The following STAT2 variants were observed in gnomAD, a reference collection of about 807,000 sequenced individuals.
STAT2 encodes the protein signal transducer and activator of transcription 2, also known as interferon alpha induced transcriptional activator.
In STAT2, 51 loss-of-function variants were observed where a neutral mutation model predicts 122.3. The ratio of observed to expected loss-of-function variants is 0.42; its 90% confidence interval spans 0.33 to 0.53. The LOEUF (loss-of-function observed/expected upper bound fraction) is 0.53, where lower values mean the gene tolerates loss of function less well. STAT2 is among the 20% of genes least tolerant of loss of function. The pLI, the probability that STAT2 is intolerant of heterozygous loss-of-function variation, is 0.10. For missense variants in STAT2, 736 were observed against 1,010.3 expected (o/e 0.73, Z 3.68); for synonymous variants, 351 against 394.9 (o/e 0.89, Z 1.32).
intron 19 of STAT2, 109 bp from the exon 20 acceptor site, chr12:56,347,064 C>A: frequency 1.3e-6 from 2 of 1,501,980 alleles, no homozygotes; most frequent in South Asian, 1.3e-5. Flanking sequence ...GGAATCCAGG[C>A]TTTGGACCAA....
chr12:56,358,460 G>A (rs1282978761), intron 1 of STAT2, among the ~76,000 whole-genome samples: 1 of 151,972 alleles, frequency 6.6e-6, no homozygotes, highest in Non-Finnish European at 1.5e-5. Flanking sequence ...TGTCCAGGCT[G>A]GTCTGGAACT....
intron 12 of STAT2, 106 bp from the exon 13 acceptor site, chr12:56,350,296 C>T: frequency 6.9e-7 from 1 of 1,446,344 alleles, no homozygotes; most frequent in Non-Finnish European, 9.5e-7. Flanking sequence ...TCGCCATCTC[C>T]CTTTGTCCAT....
At chr12:56,355,379 G>A (rs369815476) in intron 5 of STAT2, 28 bp from the exon 6 acceptor site, 196 of 1,614,072 alleles carry the variant, frequency 1.2e-4, no homozygotes, top group Middle Eastern at 6.6e-4. Flanking sequence ...CCCCGATGAG[G>A]CTGCTTCTCA....
At chr12:56,358,927 C>T (rs936866441) in intron 1 of STAT2, among the ~76,000 whole-genome samples, 1 of 152,138 alleles carries the variant, frequency 6.6e-6, no homozygotes, top group Non-Finnish European at 1.5e-5. Context: ...TTGCCTGTCA[C>T]CAAGCAGGCT....
At chr12:56,353,870 C>A (rs1239713414) in intron 8 of STAT2, among the ~76,000 whole-genome samples, 1 of 149,626 alleles carries the variant, frequency 6.7e-6, no homozygotes, top group Non-Finnish European at 1.5e-5. Flanking sequence ...GTGGTGTGTG[C>A]CTGTAATCCC....
chr12:56,342,478 T>C lies in STAT2; in HGVS notation c.*911A>G, dbSNP rs1876729219. The C allele has an allele frequency of 6.6e-6, 1 of 151,836 alleles. No homozygotes were observed. Among genetic ancestry groups the C allele is most frequent in the South Asian group, 2.1e-4 (1 of 4,818 alleles). The allele number at this position is 151,836 out of a possible 1,614,324, so 9.4% of individuals were successfully genotyped here. A position where few individuals can be genotyped will look rare whatever the true frequency, so the allele number is the denominator to read the frequency against. ...TGGTGGCGCATGCCATGGTGCTAGC[T>C]ACCCAGGAGGCTGAGGTAGGAGGAT... On this transcript the variant is annotated 3_prime_UTR_variant, in exon 24 of 24. Coordinates refer to ENST00000314128, the MANE Select transcript of STAT2 (RefSeq NM_005419.4).
chr12:56,356,212 A>G lies in STAT2; in HGVS notation c.205T>C (p.Tyr69His). 6.2e-7 allele frequency: 1 copy of G among 1,613,980 alleles called. No individual in the cohort carries two copies. The highest frequency in any genetic ancestry group is 1.3e-5 in the African/African-American group (1 of 75,060). The change falls in exon 3 of 24, where the codon TAT becomes CAT. Residue 69 changes from tyrosine (Y) to histidine (H), a missense_variant. Transcript: ENST00000314128. Reference protein sequence around the residue: ...LFFHFLDQLNYECGRCSQDPE... With the variant: ...LFFHFLDQLNHECGRCSQDPE... ...TCCTGGCTGCAACGGCCACACTCAT[A>G]GTTCAGCTGATCCAAGAAGTGGAAG...
At position 56,351,553 on chromosome 12, in the gene STAT2, T is replaced by A; in HGVS notation, c.783-103A>T. On this transcript the variant is annotated intron_variant, in intron 8 of 23. Coordinates refer to ENST00000314128, the MANE Select transcript of STAT2 (RefSeq NM_005419.4). ...AATATGTGAAGAGTCAGAAACTGAC[T>A]GGGGGGAAGAAAAAAAAAGAATCCA... 5 of 1,240,456 alleles carry A rather than the reference T, an allele frequency of 4.0e-6. No homozygotes were observed. The South Asian group carries it at 7.7e-5, about 19-fold the overall frequency. The allele number at this position is 1,240,456 out of a possible 1,614,324, so 76.8% of individuals were successfully genotyped here.
chr12:56,351,438 T>C lies in STAT2; in HGVS notation c.795A>G (p.Gly265=). 6.2e-7 allele frequency: 1 copy of C among 1,613,640 alleles called. No homozygotes were observed. Among genetic ancestry groups the C allele is most frequent in the Non-Finnish European group, 8.5e-7 (1 of 1,179,892 alleles). ...GCCTCAGGTGAAACAACAGCTTTGC[T>C]CCAGCTGTGAACCTGGGTGATAAAA... ...LEQLETWFTA[G]AKLLFHLRQL... is the part of the protein sequence containing the mutation. The change falls in exon 9 of 24, where the codon GGA becomes GGG. Residue 265 remains glycine (G), a synonymous_variant. Coordinates refer to ENST00000314128, the MANE Select transcript of STAT2 (RefSeq NM_005419.4).
Position 56,355,710 on chromosome 12 carries a change from A to G in STAT2, c.379T>C (p.Leu127=), listed in dbSNP as rs2066812. Residue 127 remains leucine, a splice_region_variant and synonymous_variant, in exon 4 of 24, where the codon TTG becomes CTG. Transcript: ENST00000314128. ...RILIQAQRAQ[L]EQGEPVLETP... ...CATTACCACTGAATTGTCCTCACCA[A>G]TTGGGCCCTCTGAGCCTGGATCAAA... is the stretch of plus-strand genomic sequence containing the variant. 4,318 of 1,613,946 alleles carry G rather than the reference A, an allele frequency of 2.7e-3. 82 individuals carry two copies. In the African/African-American group the frequency reaches 0.051, roughly 19 times the overall value.
chr12:56,344,991 G>A (rs1877138979), intron 22 of STAT2, among the ~76,000 whole-genome samples: 1 of 136,462 alleles, frequency 7.3e-6, no homozygotes, highest in South Asian at 2.3e-4. Context: ...CTGGGCAACA[G>A]GGCGAGACTC....
intron 8 of STAT2, 123 bp downstream of exon 8, chr12:56,354,343 G>C (rs1879179638): frequency 1.4e-6 from 2 of 1,472,408 alleles, no homozygotes; most frequent in African/African-American, 1.4e-5. Context: ...AGTCAGCAGG[G>C]AGCAGGGCTC....
In STAT2 at chr12:56,360,020, C is replaced by A. The variant is rs555572234; in HGVS notation, c.-8+38G>T. On this transcript the variant is annotated intron_variant, in intron 1 of 23. Transcript: ENST00000314128. ...CCTCGGAGGAACTCTCACTCTCACC[C>A]CCACCCCTACCCCAGCACACCCTCT... is the stretch of plus-strand genomic sequence containing the variant. 131 of 983,658 alleles carry A rather than the reference C, an allele frequency of 1.3e-4. No homozygotes were observed. The South Asian group carries it at 5.3e-3, about 40-fold the overall frequency. 60.9% of individuals were successfully genotyped at this position (983,658 alleles called of 1,614,324 possible). A position where few individuals can be genotyped will look rare whatever the true frequency, so the allele number is the denominator to read the frequency against.
chr12:56,347,068 G>A, intron 19 of STAT2, 113 bp from the exon 20 acceptor site: 1 of 1,479,280 alleles, frequency 6.8e-7, no homozygotes, highest in Admixed American at 2.2e-5. Context: ...TCCAGGCTTT[G>A]GACCAAGCCC....
intron 12 of STAT2, 21 bp from the exon 13 acceptor site, chr12:56,350,211 A>G (rs1485090695): frequency 8.2e-6 from 13 of 1,581,460 alleles, no homozygotes; most frequent in South Asian, 3.3e-5. Flanking sequence ...AGGAAGATAC[A>G]TGGAGACAAG....
At chr12:56,348,428 G>T (rs1877877507) in intron 19 of STAT2, 101 bp downstream of exon 19, 1 of 1,245,182 alleles carries the variant, frequency 8.0e-7, no homozygotes, top group Non-Finnish European at 1.2e-6. Flanking sequence ...GCCTGCACCT[G>T]TCTTTGCTCT....
intron 19 of STAT2, 78 bp from the exon 20 acceptor site, chr12:56,347,033 A>T (rs1302387866): frequency 7.2e-5 from 113 of 1,565,088 alleles, no homozygotes; most frequent in Non-Finnish European, 7.8e-6. Context: ...CTCCCCTTGT[A>T]TGGAGAAACA....
In STAT2 at chr12:56,341,758, T is replaced by C. The variant is rs1450500610; in HGVS notation, c.*1631A>G. The C allele has an allele frequency of 6.6e-6, 1 of 152,220 alleles. No homozygotes were observed. Among genetic ancestry groups the C allele is most frequent in the Non-Finnish European group, 1.5e-5 (1 of 68,054 alleles). 9.4% of individuals were successfully genotyped at this position (152,220 alleles called of 1,614,324 possible). A position where few individuals can be genotyped will look rare whatever the true frequency, so the allele number is the denominator to read the frequency against. Reference sequence around the variant, plus strand: ...GGAGAACATCTTGGAGCAATGTCAGTTGCCCCCTGGGGTTCCCTGGGAATA... The same window carrying C: ...GGAGAACATCTTGGAGCAATGTCAGCTGCCCCCTGGGGTTCCCTGGGAATA... On this transcript the variant is annotated 3_prime_UTR_variant, in exon 24 of 24. Coordinates refer to ENST00000314128, the MANE Select transcript of STAT2 (RefSeq NM_005419.4).
chr12:56,356,101 C>T (rs1391358834), intron 3 of STAT2, 31 bp downstream of exon 3: 5 of 1,608,018 alleles, frequency 3.1e-6, no homozygotes, highest in Non-Finnish European at 4.2e-6. Flanking sequence ...GCTCCCAGTG[C>T]TACCCCATCA....
Sources: gnomAD v4.1 joint callset for allele counts (sites outside exome capture counted in the v4.1 genomes callset) on GRCh38, gnomAD v4.1.1 for gene constraint, MANE v1.5 for transcripts, NCBI Gene and HGNC (gene_info 2026-07-23, HGNC 2026-07-21) for gene names.